PASK: variants seen among roughly 807,000 people sequenced by gnomAD.
The protein encoded by PASK is PAS domain containing serine/threonine kinase, also known as PAS domain-containing serine/threonine-protein kinase.
In PASK, 110 loss-of-function variants were observed where a neutral mutation model predicts 121.0. That is an observed-to-expected ratio of 0.91 (90% confidence interval 0.78 to 1.06). The LOEUF is 1.06. Among genes scored for constraint, PASK ranks in the 50% least tolerant of loss-of-function variants. The pLI is 0.00. For missense variants in PASK, 1,643 were observed against 1,702.3 expected, an observed-to-expected ratio of 0.97 and a Z score of 0.61; for synonymous variants, 686 against 717.8, an observed-to-expected ratio of 0.96 and a Z score of 0.71.
At chr2:241,150,198 C>T (rs552884215), upstream of PASK, 3 of 1,271,736 alleles carry the variant, frequency 2.4e-6, no homozygotes, top group East Asian at 3.3e-5. Context: ...ACGTCCACTC[C>T]GTCTGCCTGC....
chr2:241,148,121 T>A (rs1286099930), intron 1 of PASK, among the ~76,000 whole-genome samples: 1 of 152,196 alleles, frequency 6.6e-6, no homozygotes, highest in Non-Finnish European at 1.5e-5. Flanking sequence ...TTGTCCTTTG[T>A]ATCCACTGTG....
Position 241,126,463 on chromosome 2 carries a change from C to G in PASK, c.2452G>C (p.Val818Leu). The G allele has an allele frequency of 1.9e-6, 3 of 1,614,256 alleles. No individual in the cohort carries two copies. The highest frequency in any genetic ancestry group is 2.5e-6 in the Non-Finnish European group (3 of 1,180,044). The change falls in exon 10 of 18, where the codon GTG becomes CTG. Residue 818 changes from valine to leucine, a missense_variant. Around this residue, in one of 3 missense-constraint regions of PASK, gnomAD observed 1,176 missense variants for 1,162.2 expected, o/e 1.01. Transcript: ENST00000234040. Reference sequence around the variant, plus strand: ...AGCGGTTCTGTTGGATCATGTCCCACACAGCTCTCCCGGAACCGTCGGCCT... The same window carrying G: ...AGCGGTTCTGTTGGATCATGTCCCAGACAGCTCTCCCGGAACCGTCGGCCT... ...GQGRRFRESCVGHDPTEPLEV... is the reference protein window; with the variant it reads ...GQGRRFRESCLGHDPTEPLEV...
chr2:241,114,196 C>CG, intron 14 of PASK: 1 of 970,912 alleles, frequency 1.0e-6, no homozygotes, highest in Non-Finnish European at 1.2e-6. Context: ...AGAGAGGTGA[C>CG]CCTTTTTTGC....
chr2:241,139,095 A>G (rs776195596), intron 4 of PASK, among the ~76,000 whole-genome samples: 4 of 152,224 alleles, frequency 2.6e-5, no homozygotes, highest in East Asian at 3.8e-4. Flanking sequence ...CACATGGTGA[A>G]TATCTTAGTT....
At chr2:241,148,227 A>G (rs915677867) in intron 1 of PASK, among the ~76,000 whole-genome samples, 1 of 152,122 alleles carries the variant, frequency 6.6e-6, no homozygotes, top group Non-Finnish European at 1.5e-5. Context: ...CAGAAGACAC[A>G]AGTGACCCCA....
chr2:241,122,411 ATGG>A (rs1468845555), intron 12 of PASK, among the ~76,000 whole-genome samples: 1 of 152,222 alleles, frequency 6.6e-6, no homozygotes, highest in Non-Finnish European at 1.5e-5. Context: ...GAGTAGGAGA[ATGG>A]TGCAAGCCCC....
chr2:241,117,641 C>T (rs146211133), intron 12 of PASK, among the ~76,000 whole-genome samples: 1 of 152,340 alleles, frequency 6.6e-6, no homozygotes, highest in African/African-American at 2.4e-5. Flanking sequence ...TAAAGACATC[C>T]TGGTGAAAAC....
At chr2:241,120,987 G>T (rs560317469) in intron 12 of PASK, among the ~76,000 whole-genome samples, 2 of 152,120 alleles carry the variant, frequency 1.3e-5, no homozygotes, top group African/African-American at 2.4e-5. Flanking sequence ...AATATTACTC[G>T]GTCATAAAAA....
rs2064981684 is a variant in PASK, at chr2:241,108,572, G to A, written c.3534-272C>T. The A allele has an allele frequency of 3.9e-6, 2 of 519,050 alleles. No individual in the cohort carries two copies. The highest frequency in any genetic ancestry group is 3.6e-5 in the East Asian group (1 of 27,904). The allele number at this position is 519,050 out of a possible 1,614,324, so 32.2% of individuals were successfully genotyped here. On this transcript the variant is annotated intron_variant, in intron 15 of 17. Transcript: ENST00000234040. The surrounding 1 kb of genome is among the most constrained non-coding windows in gnomAD (Gnocchi z 5.2). ...CTTGTGGACACCAACCACAAGACGTGTCTACCAGAGGGGGGAGCGGGGGGA... is the reference window on the plus strand; with the variant it reads ...CTTGTGGACACCAACCACAAGACGTATCTACCAGAGGGGGGAGCGGGGGGA...
chr2:241,149,547 A>G, upstream of PASK: 1 of 1,048,298 alleles, frequency 9.5e-7, no homozygotes, highest in Non-Finnish European at 1.4e-6. Context: ...ACTTGCGCGT[A>G]TGGGCGGGAC....
Position 241,112,594 on chromosome 2 carries a change from T to C in PASK, c.3334-155A>G, listed in dbSNP as rs373678190. ...GAAAGATTTTTCAATGCTGAAGATA[T>C]GATTGGAAGCAAACAGGAAACAAAG... On this transcript the variant is annotated intron_variant, in intron 14 of 17. Transcript: ENST00000234040. The surrounding 1 kb of genome is among the most constrained non-coding windows in gnomAD (Gnocchi z 5.2). The C allele has an allele frequency of 6.5e-6, 4 of 610,740 alleles. No homozygotes were observed. Among genetic ancestry groups the C allele is most frequent in the Middle Eastern group, 4.4e-4 (1 of 2,280 alleles). 37.8% of individuals were successfully genotyped at this position (610,740 alleles called of 1,614,324 possible). A position where few individuals can be genotyped will look rare whatever the true frequency, so the allele number is the denominator to read the frequency against.
chr2:241,126,519 A>T lies in PASK; in HGVS notation c.2396T>A (p.Leu799Gln), dbSNP rs772622229. The T allele has an allele frequency of 2.5e-6, 4 of 1,614,238 alleles. No individual in the cohort carries two copies. The highest frequency in any genetic ancestry group is 3.4e-6 in the Non-Finnish European group (4 of 1,180,032). The change falls in exon 10 of 18, where the codon CTA (leucine) becomes CAA (glutamine). Residue 799 changes from leucine to glutamine, a missense_variant. This residue lies in a region of PASK where 1,176 missense variants were observed against 1,162.2 expected (regional missense o/e 1.01). Coordinates refer to ENST00000234040, the MANE Select transcript of PASK (RefSeq NM_015148.4). ...SCVLDDRELL[L>Q]LTGTCVDLGQ... ...AAGGTCAACACAGGTGCCGGTCAGT[A>T]GTAACAGCTCCCTGTCATCCAGGAC...
chr2:241,111,642 G>A (rs2065117454), intron 15 of PASK, among the ~76,000 whole-genome samples: 5 of 151,508 alleles, frequency 3.3e-5, no homozygotes, highest in Admixed American at 6.6e-5. Flanking sequence ...GCCCAGGCCG[G>A]CCCCCGACTC....
At position 241,112,499 on chromosome 2, in the gene PASK, T is replaced by A; in HGVS notation, c.3334-60A>T. On this transcript the variant is annotated intron_variant, in intron 14 of 17. Transcript: ENST00000234040. This position sits in a 1 kb window ranked among gnomAD's most constrained non-coding sequence, Gnocchi z 5.2. The stretch of plus-strand genomic sequence containing the variant: ...AAGCAATTCAACTAAAATATGCATT[T>A]AAAATAAACTGGAACAAAAAAAAAC... 9.6e-7 allele frequency: 1 copy of A among 1,041,868 alleles called. No individual in the cohort carries two copies. Among genetic ancestry groups the A allele is most frequent in the Non-Finnish European group, 1.4e-6 (1 of 702,592 alleles). The allele number at this position is 1,041,868 out of a possible 1,614,324, so 64.5% of individuals were successfully genotyped here.
At chr2:241,106,763 C>T in intron 17 of PASK, 40 bp from the exon 18 acceptor site, 2 of 1,599,490 alleles carry the variant, frequency 1.3e-6, no homozygotes, top group Non-Finnish European at 1.7e-6. Context: ...GTGCTAACAA[C>T]TTAAGGTTCT....
At chr2:241,144,696 G>A (rs751873832) in intron 1 of PASK, among the ~76,000 whole-genome samples, 6 of 152,272 alleles carry the variant, frequency 3.9e-5, no homozygotes, top group South Asian at 2.1e-4. Flanking sequence ...ATGCCCACAC[G>A]AGGCCCTTCC....
chr2:241,128,224 G>A (rs1200890605), intron 9 of PASK, among the ~76,000 whole-genome samples: 1 of 152,230 alleles, frequency 6.6e-6, no homozygotes, highest in Non-Finnish European at 1.5e-5. Flanking sequence ...AGGTTGCAGT[G>A]AGCTGAGATT....
chr2:241,141,524 C>T (rs950323088), intron 2 of PASK, among the ~76,000 whole-genome samples: 15 of 152,108 alleles, frequency 9.9e-5, no homozygotes, highest in Non-Finnish European at 1.8e-4. Context: ...CCACCCTCCT[C>T]GGGCACCTGG....
chr2:241,118,830 G>T, intron 12 of PASK: 1 of 673,022 alleles, frequency 1.5e-6, no homozygotes, highest in African/African-American at 1.9e-5. Context: ...GCTGTGTGGT[G>T]TACACACCCC....
Sources: allele counts gnomAD v4.1 joint callset (sites outside exome capture counted in the v4.1 genomes callset), GRCh38; gene constraint gnomAD v4.1.1; regional missense constraint gnomAD v4.1.1; non-coding constraint Gnocchi (gnomAD v3.1); transcripts MANE v1.5; gene names NCBI Gene and HGNC (gene_info 2026-07-23, HGNC 2026-07-21).